NRG4: variants seen among roughly 807,000 people sequenced by gnomAD.
The protein encoded by NRG4 is neuregulin 4.
In NRG4, 10 loss-of-function variants were observed where a neutral mutation model predicts 15.0. That is an observed-to-expected ratio of 0.67 (90% CI 0.41 to 1.13). The LOEUF (loss-of-function observed/expected upper bound fraction) is 1.13, where lower values mean the gene tolerates loss of function less well. Among genes scored for constraint, NRG4 ranks in the 50% most tolerant of loss-of-function variants. The probability of loss-of-function intolerance (pLI) is 0.00; values close to 1 mark genes in which losing one functional copy is unlikely to be tolerated. For missense variants in NRG4, 139 were observed against 140.2 expected (o/e 0.99, Z 0.04); for synonymous variants, 41 against 50.1 (o/e 0.82, Z 0.77).
chr15:76,002,927 A>G (rs2034466370), intron 3 of NRG4, among the ~76,000 whole-genome samples: 1 of 152,186 alleles, frequency 6.6e-6, no homozygotes, highest in South Asian at 2.1e-4. Flanking sequence ...AATGGGCAAA[A>G]TATCAGTCTG....
intron 3 of NRG4, among the ~76,000 whole-genome samples, chr15:75,995,109 A>G (rs1241548654): frequency 6.6e-6 from 1 of 151,812 alleles, no homozygotes; most frequent in African/African-American, 2.4e-5. Flanking sequence ...GATTGCTTGA[A>G]CCAGGGAGGC....
chr15:76,028,081 A>T lies in NRG4; in HGVS notation c.-57+7863T>A, dbSNP rs558556852. 8.5e-5 allele frequency among the ~76,000 whole-genome samples: 13 copies of T among 152,280 alleles called. No individual in the cohort carries two copies. In the South Asian group the frequency reaches 2.7e-3, roughly 32 times the overall value. On this transcript the variant is annotated intron_variant, in intron 5 of 8. Transcript: ENST00000563910. ...TACACAAAAAACTAGAAAGATTTCA[A>T]ATAAACAATTTAATGATGCATCTCA...
intron 3 of NRG4, among the ~76,000 whole-genome samples, chr15:76,004,756 T>C (rs1023445587): frequency 1.3e-5 from 2 of 151,854 alleles, no homozygotes; most frequent in African/African-American, 2.4e-5. Context: ...TAAATGTAAA[T>C]AGATTAAATT....
Position 76,050,437 on chromosome 15 carries a change from GTT to G in NRG4, c.-105+1628_-105+1629del, listed in dbSNP as rs71444951. 9.3e-3 allele frequency among the ~76,000 whole-genome samples: 856 copies of G among 91,744 alleles called. 3 individuals carry two copies. Among genetic ancestry groups the G allele is most frequent in the African/African-American group, 0.034 (804 of 23,752 alleles). 60.2% of individuals were successfully genotyped at this position (91,744 alleles called of 152,430 possible). A position where few individuals can be genotyped will look rare whatever the true frequency, so the allele number is the denominator to read the frequency against. On this transcript the variant is annotated intron_variant, in intron 4 of 8. Coordinates refer to the NRG4 transcript ENST00000563910. The stretch of plus-strand genomic sequence containing the variant: ...AGCATTATTGTCACCCCGAGCCTTC[GTT>G]TTTTTTTTTTTTTTTTTTTTGAAAC...
intron 3 of NRG4, among the ~76,000 whole-genome samples, chr15:75,971,748 T>C (rs765836527): frequency 2.0e-5 from 3 of 152,134 alleles, no homozygotes; most frequent in Non-Finnish European, 4.4e-5. Flanking sequence ...CTCAAATTCT[T>C]CTCACCAAAA....
At chr15:75,938,591 T>TA (rs911220537), downstream of NRG4, 2 of 152,112 alleles carry the variant, frequency 1.3e-5, no homozygotes, top group African/African-American at 4.8e-5. Context: ...ATAGGCATTA[T>TA]AAAAAAATTC....
At chr15:76,020,560 G>A (rs1334840325) in intron 5 of NRG4, among the ~76,000 whole-genome samples, 1 of 151,946 alleles carries the variant, frequency 6.6e-6, no homozygotes, top group Non-Finnish European at 1.5e-5. Flanking sequence ...TAATTGTCTT[G>A]GGCCACACAT....
chr15:76,016,543 T>C (rs1008363324), upstream of NRG4, among the ~76,000 whole-genome samples: 3 of 152,224 alleles, frequency 2.0e-5, no homozygotes, highest in African/African-American at 7.2e-5. Context: ...TGTTTCTTTG[T>C]TCTTATTGGT....
At chr15:76,058,041 T>C (rs980368807) in intron 1 of NRG4, among the ~76,000 whole-genome samples, 1 of 152,146 alleles carries the variant, frequency 6.6e-6, no homozygotes, top group Non-Finnish European at 1.5e-5. Context: ...GCGTTATAAC[T>C]GGATGCTTCT....
At chr15:76,005,678 A>C (rs1192921894) in intron 3 of NRG4, 1 of 324,888 alleles carries the variant, frequency 3.1e-6, no homozygotes, top group Non-Finnish European at 5.9e-6. Context: ...ACTCTGTCTC[A>C]GAAAAAAAAA....
chr15:76,007,893 A>C (rs914587725), intron 3 of NRG4, among the ~76,000 whole-genome samples: 1 of 152,200 alleles, frequency 6.6e-6, no homozygotes, highest in Admixed American at 6.5e-5. Context: ...GACCTTTGGC[A>C]TGTCACTTAA....
At position 75,945,210 on chromosome 15, in the gene NRG4, C is replaced by G. The variant is rs544313405; in HGVS notation, c.332-1556G>C. Among the ~76,000 whole-genome samples, 218 of 151,904 alleles carry G rather than the reference C, an allele frequency of 1.4e-3. 2 individuals carry two copies. Among genetic ancestry groups the G allele is most frequent in the African/African-American group, 5.0e-3 (206 of 41,474 alleles). On this transcript the variant is annotated intron_variant, in intron 5 of 5. Transcript: ENST00000394907. ...TAGCATTAACCTTTCCAGTTAACAC[C>G]ACGATAAATTTAAAATCTTTCCATT... is the stretch of plus-strand genomic sequence containing the variant.
chr15:75,998,223 A>C (rs1311167626), intron 3 of NRG4, among the ~76,000 whole-genome samples: 4 of 152,202 alleles, frequency 2.6e-5, no homozygotes, highest in African/African-American at 9.6e-5. Context: ...CAAAAAATAA[A>C]AATTTCTTTC....
At chr15:76,029,322 A>G (rs2035407451) in intron 5 of NRG4, among the ~76,000 whole-genome samples, 1 of 152,174 alleles carries the variant, frequency 6.6e-6, no homozygotes, top group Non-Finnish European at 1.5e-5. Context: ...AAGGCCATAT[A>G]TAATAAACCC....
chr15:75,998,107 AATG>A (rs1327902572), intron 3 of NRG4, among the ~76,000 whole-genome samples: 2 of 152,214 alleles, frequency 1.3e-5, no homozygotes, highest in Admixed American at 6.5e-5. Context: ...AAATTATTAT[AATG>A]ATAACAGAAG....
chr15:75,999,955 C>T (rs1460069505), intron 3 of NRG4, among the ~76,000 whole-genome samples: 1 of 152,194 alleles, frequency 6.6e-6, no homozygotes, highest in Non-Finnish European at 1.5e-5. Flanking sequence ...ATGATCTCGG[C>T]TCACTGCAAC....
At chr15:75,946,522 T>A (rs990670279) in intron 5 of NRG4, among the ~76,000 whole-genome samples, 3 of 152,100 alleles carry the variant, frequency 2.0e-5, no homozygotes, top group Admixed American at 2.0e-4. Flanking sequence ...CACGCCTGGC[T>A]AATTTTTTTT....
chr15:75,936,022 T>A (rs1307762824), downstream of NRG4: 1 of 152,114 alleles, frequency 6.6e-6, no homozygotes, highest in Non-Finnish European at 1.5e-5. Flanking sequence ...CTCCTGACCT[T>A]GTGATCCGCC....
At chr15:75,980,717 G>A (rs995250166) in intron 3 of NRG4, among the ~76,000 whole-genome samples, 1 of 152,204 alleles carries the variant, frequency 6.6e-6, no homozygotes, top group Non-Finnish European at 1.5e-5. Context: ...GTGATATCAA[G>A]ACAAGGTCTC....
Sources: gnomAD v4.1 joint callset for allele counts (sites outside exome capture counted in the v4.1 genomes callset) on GRCh38, gnomAD v4.1.1 for gene constraint, MANE v1.5 for transcripts, NCBI Gene and HGNC (gene_info 2026-07-23, HGNC 2026-07-21) for gene names.